Variants in GNAQ observed in about 807,000 individuals in gnomAD.
The protein encoded by GNAQ is guanine nucleotide-binding protein G(q) subunit alpha.
GNAQ carries 8 observed loss-of-function variants against 43.9 expected under a neutral mutation model. The ratio of observed to expected loss-of-function variants is 0.18; its 90% confidence interval spans 0.11 to 0.33. The LOEUF is 0.33. GNAQ is among the 10% of genes least tolerant of loss of function. The pLI is 1.00. For synonymous variants in GNAQ, 155 were observed against 170.7 expected (o/e 0.91, Z 0.71); for missense variants, 158 against 450.8 (o/e 0.35, Z 5.88).
intron 2 of GNAQ, among the ~76,000 whole-genome samples, chr9:77,874,946 T>G (rs932945464): frequency 4.0e-5 from 6 of 151,522 alleles, no homozygotes; most frequent in African/African-American, 7.3e-5. Flanking sequence ...AATAACCCTC[T>G]CAGATGAAGG....
chr9:77,999,661 A>C (rs1048912274), intron 1 of GNAQ, among the ~76,000 whole-genome samples: 3 of 152,174 alleles, frequency 2.0e-5, no homozygotes, highest in Non-Finnish European at 2.9e-5. Context: ...TTCAACAAAC[A>C]TTTACTGACC....
intron 1 of GNAQ, among the ~76,000 whole-genome samples, chr9:77,996,723 G>A (rs1252509982): frequency 6.6e-6 from 1 of 150,662 alleles, no homozygotes; most frequent in Non-Finnish European, 1.5e-5. Flanking sequence ...AAAAACAAAT[G>A]CAATAGTCAG....
At chr9:77,755,603 CTTCATTTTAT>C (rs1825888915) in intron 5 of GNAQ, among the ~76,000 whole-genome samples, 1 of 152,090 alleles carries the variant, frequency 6.6e-6, no homozygotes, top group African/African-American at 2.4e-5. Context: ...AAGAAATTAT[CTTCATTTTAT>C]TTCCTTTTTC....
At chr9:77,724,575 A>G (rs1825368509) in intron 6 of GNAQ, among the ~76,000 whole-genome samples, 1 of 152,198 alleles carries the variant, frequency 6.6e-6, no homozygotes, top group African/African-American at 2.4e-5. Context: ...TGAGGGCTTG[A>G]CCACCATTTC....
intron 2 of GNAQ, among the ~76,000 whole-genome samples, chr9:77,866,594 A>C (rs890806326): frequency 6.6e-6 from 1 of 152,250 alleles, no homozygotes; most frequent in African/African-American, 2.4e-5. Context: ...ACTGATGGAC[A>C]AAATAACCCA....
At position 77,745,215 on chromosome 9, in the gene GNAQ, G is replaced by C. The variant is rs1294965134; in HGVS notation, c.736-16548C>G. Among the ~76,000 whole-genome samples, 5 of 152,266 alleles carry C rather than the reference G, an allele frequency of 3.3e-5. No individual in the cohort carries two copies. The East Asian group carries it at 9.7e-4, about 29-fold the overall frequency. On this transcript the variant is annotated intron_variant, in intron 5 of 6. Transcript: ENST00000286548. ...AGAGGCAGGACAGATGGGAGAAACAGCTGGGTTCTGCCATCTTTACACTCT... is the reference window on the plus strand; with the variant it reads ...AGAGGCAGGACAGATGGGAGAAACACCTGGGTTCTGCCATCTTTACACTCT...
At chr9:77,804,255 T>C (rs1397020262) in intron 3 of GNAQ, among the ~76,000 whole-genome samples, 1 of 152,122 alleles carries the variant, frequency 6.6e-6, no homozygotes, top group Non-Finnish European at 1.5e-5. Flanking sequence ...AGACCAAGAA[T>C]AGCACAGAAA....
chr9:77,798,718 C>T (rs1030212658), intron 3 of GNAQ, among the ~76,000 whole-genome samples: 2 of 152,110 alleles, frequency 1.3e-5, no homozygotes, highest in Non-Finnish European at 2.9e-5. Flanking sequence ...AATGTAAATG[C>T]TATGTGAATA....
intron 5 of GNAQ, among the ~76,000 whole-genome samples, chr9:77,749,990 C>A (rs1825787583): frequency 6.6e-6 from 1 of 151,922 alleles, no homozygotes; most frequent in Non-Finnish European, 1.5e-5. Flanking sequence ...AATTATACTA[C>A]AATAGCAAAT....
intron 5 of GNAQ, among the ~76,000 whole-genome samples, chr9:77,782,935 A>G (rs1329127907): frequency 6.6e-6 from 1 of 152,244 alleles, no homozygotes; most frequent in Non-Finnish European, 1.5e-5. Flanking sequence ...GGCATTCTAG[A>G]AAAGGGAAAA....
At chr9:77,919,657 G>C (rs963464049) in intron 2 of GNAQ, among the ~76,000 whole-genome samples, 3 of 152,136 alleles carry the variant, frequency 2.0e-5, no homozygotes, top group Non-Finnish European at 2.9e-5. Context: ...AAACAAACGT[G>C]AAAGTCATTT....
chr9:77,972,246 A>G (rs889777577), intron 1 of GNAQ, among the ~76,000 whole-genome samples: 1 of 152,338 alleles, frequency 6.6e-6, no homozygotes, highest in Admixed American at 6.5e-5. Flanking sequence ...AAAAACTATT[A>G]TAGAATTAAG....
chr9:77,968,272 T>C (rs1309580879), intron 1 of GNAQ, among the ~76,000 whole-genome samples: 1 of 152,194 alleles, frequency 6.6e-6, no homozygotes, highest in Non-Finnish European at 1.5e-5. Flanking sequence ...CCATGGATGT[T>C]GTCTGCTTAG....
intron 5 of GNAQ, among the ~76,000 whole-genome samples, chr9:77,733,745 C>A (rs1564094340): frequency 6.6e-6 from 1 of 152,298 alleles, no homozygotes; most frequent in East Asian, 1.9e-4. Context: ...GACAAGCATG[C>A]AATGCATCAT....
intron 1 of GNAQ, among the ~76,000 whole-genome samples, chr9:77,963,337 G>C (rs1823128553): frequency 6.6e-6 from 1 of 152,142 alleles, no homozygotes. Context: ...CGACACCACA[G>C]AAATCTCAAT....
rs547507656 is a variant in GNAQ at position 77,762,556 on chromosome 9, G to A, written c.735+31907C>T. Among the ~76,000 whole-genome samples the A allele has an allele frequency of 4.8e-3, 719 of 149,996 alleles. 4 individuals are homozygous for A. The highest frequency in any genetic ancestry group is 7.9e-3 in the Non-Finnish European group (532 of 66,988). On this transcript the variant is annotated intron_variant, in intron 5 of 6. Coordinates refer to ENST00000286548, the MANE Select transcript of GNAQ (RefSeq NM_002072.5). Reference sequence around the variant, plus strand: ...TGCCCGGCCGCCCCTACTGGGAAGTGAGGAGCCCCTCTGCCCGGCCACCAC... The same window carrying A: ...TGCCCGGCCGCCCCTACTGGGAAGTAAGGAGCCCCTCTGCCCGGCCACCAC...
chr9:77,920,364 T>C (rs2118268468), intron 2 of GNAQ, among the ~76,000 whole-genome samples: 1 of 152,198 alleles, frequency 6.6e-6, no homozygotes, highest in East Asian at 1.9e-4. Context: ...TCAGGGAGAT[T>C]ATATTTTAGT....
At chr9:78,028,091 CT>C (rs1824004656) in intron 1 of GNAQ, among the ~76,000 whole-genome samples, 1 of 152,046 alleles carries the variant, frequency 6.6e-6, no homozygotes, top group South Asian at 2.1e-4. Flanking sequence ...AAAATATGTG[CT>C]TTATACCTAC....
chr9:77,728,802 C>G (rs1168970749), intron 5 of GNAQ, 135 bp from the exon 6 acceptor site: 1 of 627,024 alleles, frequency 1.6e-6, no homozygotes, highest in East Asian at 2.7e-5. Context: ...TTGGATTTGT[C>G]AGGATTTATA....
Sources: allele counts gnomAD v4.1 joint callset (sites outside exome capture counted in the v4.1 genomes callset), GRCh38; gene constraint gnomAD v4.1.1; transcripts MANE v1.5; gene names NCBI Gene and HGNC (gene_info 2026-07-23, HGNC 2026-07-21).